The following ITPR1 variants were observed in gnomAD, a reference collection of about 807,000 sequenced individuals.
ITPR1 encodes the protein inositol 1,4,5-trisphosphate receptor type 1.
In ITPR1, 96 loss-of-function variants were observed where a neutral mutation model predicts 318.4. The ratio of observed to expected loss-of-function variants is 0.30; its 90% CI spans 0.26 to 0.36. ITPR1 has a LOEUF of 0.36. Among genes scored for constraint, ITPR1 ranks in the 10% least tolerant of loss-of-function variants. ITPR1 has a pLI of 1.00. For synonymous variants in ITPR1, 1,312 were observed against 1,289.9 expected (o/e 1.02, Z -0.37); for missense variants, 2,440 against 3,460.2 (o/e 0.71, Z 7.40).
At chr3:4,799,941 T>G in intron 53 of ITPR1, 1 of 153,494 alleles carries the variant, frequency 6.5e-6, no homozygotes, top group Non-Finnish European at 1.5e-5. Context: ...TTGAGTGAAG[T>G]GTGACACATG....
At chr3:4,551,504 A>G (rs902982) in intron 4 of ITPR1, among the ~76,000 whole-genome samples, 73,853 of 152,036 alleles carry the variant, frequency 0.49, 19,328 homozygotes, top group Admixed American at 0.6. Flanking sequence ...CTTCTTATCT[A>G]GAGAGATTAT....
chr3:4,603,849 G>A (rs933975593), intron 4 of ITPR1, among the ~76,000 whole-genome samples: 3 of 152,140 alleles, frequency 2.0e-5, no homozygotes, highest in Non-Finnish European at 4.4e-5. Flanking sequence ...TTTCCTTTGG[G>A]TAATACGCAG....
chr3:4,806,733 T>C (rs974202813), intron 55 of ITPR1, among the ~76,000 whole-genome samples: 4 of 152,116 alleles, frequency 2.6e-5, no homozygotes, highest in Non-Finnish European at 4.4e-5. Context: ...ATGAGCTCAG[T>C]AGATTTATTG....
chr3:4,498,977 C>T (rs865903500), intron 2 of ITPR1, among the ~76,000 whole-genome samples: 15 of 152,144 alleles, frequency 9.9e-5, no homozygotes, highest in African/African-American at 3.6e-4. Context: ...TTAAAGCAAA[C>T]CTCAAATTTT....
intron 45 of ITPR1, 59 bp from the exon 46 acceptor site, chr3:4,768,448 TGGAG>T (rs1032160015): frequency 6.6e-7 from 1 of 1,515,036 alleles, no homozygotes; most frequent in African/African-American, 1.4e-5. Flanking sequence ...GTGTCACCTT[TGGAG>T]TGGTGAATAG....
intron 4 of ITPR1, among the ~76,000 whole-genome samples, chr3:4,578,324 T>A (rs1039781011): frequency 6.6e-6 from 1 of 152,190 alleles, no homozygotes; most frequent in Non-Finnish European, 1.5e-5. Flanking sequence ...TCTTTTCTTT[T>A]GAGTGACAGT....
chr3:4,688,645 A>G (rs1197584704), intron 31 of ITPR1, 25 bp downstream of exon 31: 1 of 1,605,644 alleles, frequency 6.2e-7, no homozygotes, highest in Non-Finnish European at 8.5e-7. Context: ...CAATCTGCAA[A>G]TCTATAGAGG....
intron 4 of ITPR1, among the ~76,000 whole-genome samples, chr3:4,603,840 T>A (rs11716943): frequency 0.048 from 7,252 of 152,300 alleles, 253 homozygotes; most frequent in Middle Eastern, 0.078. Context: ...ACGATTTGTT[T>A]TCCTTTGGGT....
chr3:4,759,884 G>T (rs1229441963), intron 44 of ITPR1, among the ~76,000 whole-genome samples: 1 of 152,196 alleles, frequency 6.6e-6, no homozygotes, highest in African/African-American at 2.4e-5. Context: ...CCTGTCCAGT[G>T]GATTCAGGAT....
intron 55 of ITPR1, among the ~76,000 whole-genome samples, chr3:4,807,485 G>A (rs545696526): frequency 2.6e-5 from 4 of 152,256 alleles, no homozygotes; most frequent in South Asian, 2.1e-4. Flanking sequence ...TCACAGGGCC[G>A]TCACAGGGAT....
At chr3:4,670,683 G>A in intron 19 of ITPR1, 46 bp from the exon 20 acceptor site, 1 of 1,344,484 alleles carries the variant, frequency 7.4e-7, no homozygotes, top group Non-Finnish European at 1.0e-6. Context: ...AGATCTCAAA[G>A]TATTTTTAAA....
rs1407855889 is a variant in ITPR1 at position 4,680,648 on chromosome 3, A to G, written c.3063A>G (p.Thr1021=). The part of the protein sequence containing the change: ...FDESNSQTSE[T]SSGNSSQEGP... ...AAAGCAATTCCCAGACTTCAGAAAC[A>G]TCCTCCGGAAACAGCAGCCAAGAAG... Residue 1021 remains threonine, a synonymous_variant, in exon 25 of 62, where the codon ACA becomes ACG. Transcript: ENST00000649015. The G allele has an allele frequency of 1.9e-6, 3 of 1,613,872 alleles. No individual in the cohort carries two copies. The highest frequency in any genetic ancestry group is 1.7e-5 in the Admixed American group (1 of 60,018).
At chr3:4,654,654 G>C (rs979997642) in intron 12 of ITPR1, among the ~76,000 whole-genome samples, 1 of 152,244 alleles carries the variant, frequency 6.6e-6, no homozygotes, top group Non-Finnish European at 1.5e-5. Context: ...GATCTCAGCA[G>C]TGGGCATGGA....
At chr3:4,551,379 A>C (rs1363353870) in intron 4 of ITPR1, among the ~76,000 whole-genome samples, 1 of 152,196 alleles carries the variant, frequency 6.6e-6, no homozygotes, top group African/African-American at 2.4e-5. Context: ...GAAATCATGA[A>C]GCGATTCAGA....
At position 4,827,989 on chromosome 3, in the gene ITPR1, G is replaced by A. The variant is rs548475741; in HGVS notation, c.8029-8785G>A. 7.9e-5 allele frequency among the ~76,000 whole-genome samples: 12 copies of A among 152,124 alleles called. No homozygotes were observed. In the South Asian group the frequency reaches 8.3e-4, roughly 11 times the overall value. On this transcript the variant is annotated intron_variant, in intron 60 of 61. Transcript: ENST00000649015. ...TAACATCTTCCATCACTTCTTTCTC[G>A]GTGTGTCTAGGCGGGACTGACCTTG...
chr3:4,788,814 C>T (rs770662998), intron 52 of ITPR1, among the ~76,000 whole-genome samples: 3 of 152,180 alleles, frequency 2.0e-5, no homozygotes, highest in South Asian at 2.1e-4. Context: ...TAAAAAGGAT[C>T]GTGCTTGATT....
At chr3:4,793,260 G>T (rs150991089) in intron 52 of ITPR1, among the ~76,000 whole-genome samples, 1 of 152,170 alleles carries the variant, frequency 6.6e-6, no homozygotes, top group East Asian at 1.9e-4. Context: ...TCATATTAGC[G>T]TATCCTGCAG....
rs558938934 is a variant in ITPR1, at chr3:4,809,978, TC to T, written c.7273-1286del. Among the ~76,000 whole-genome samples, 437 of 152,250 alleles carry T rather than the reference TC, an allele frequency of 2.9e-3. 1 individual carries two copies. The highest frequency in any genetic ancestry group is 4.6e-3 in the Non-Finnish European group (312 of 68,020). On this transcript the variant is annotated intron_variant, in intron 55 of 61. Transcript: ENST00000649015. ...TACCCAATGCCCTTCACAGAACTAGTCTCAGAACACAGATTGGTGTCAAGGA... is the reference window on the plus strand; with the variant it reads ...TACCCAATGCCCTTCACAGAACTAGTTCAGAACACAGATTGGTGTCAAGGA...
rs753952224 is a variant in ITPR1 at position 4,806,284 on chromosome 3, G to A, written c.7272+17G>A. On this transcript the variant is annotated intron_variant, in intron 55 of 61. Coordinates refer to ENST00000649015, the MANE Select transcript of ITPR1 (RefSeq NM_001378452.1). ...AGTCTGCTGGTGAGTACCTGGTGTG[G>A]AAATATTTTATGTGTGGGGAAACTA... 3 of 1,611,786 alleles carry A rather than the reference G, an allele frequency of 1.9e-6. No homozygotes were observed. The highest frequency in any genetic ancestry group is 2.2e-5 in the South Asian group (2 of 91,016).
Sources: allele counts gnomAD v4.1 joint callset (sites outside exome capture counted in the v4.1 genomes callset), GRCh38; gene constraint gnomAD v4.1.1; transcripts MANE v1.5; gene names NCBI Gene and HGNC (gene_info 2026-07-23, HGNC 2026-07-21).